AGMO: variants seen among roughly 807,000 people sequenced by gnomAD.
AGMO encodes the protein glyceryl-ether monooxygenase.
AGMO carries 75 observed loss-of-function variants against 60.2 expected under a neutral mutation model. The observed-to-expected ratio is 1.25, with a 90% confidence interval of 1.03 to 1.51. The LOEUF (loss-of-function observed/expected upper bound fraction) is 1.51. Ranked by LOEUF, AGMO falls within the 40% of genes most tolerant of loss-of-function variation. The probability of loss-of-function intolerance (pLI) is 0.00; values close to 1 mark genes in which losing one functional copy is unlikely to be tolerated. For missense variants in AGMO, 763 were observed against 525.5 expected (o/e 1.45, Z -4.42); for synonymous variants, 261 against 177.1 (o/e 1.47, Z -3.76).
intron 3 of AGMO, among the ~76,000 whole-genome samples, chr7:15,468,963 G>A (rs184910357): frequency 1.3e-5 from 2 of 151,944 alleles, no homozygotes; most frequent in African/African-American, 4.8e-5. Flanking sequence ...AGTAAATTAA[G>A]AATTCTATTT....
chr7:15,473,851 C>A (rs1410925976), intron 3 of AGMO, among the ~76,000 whole-genome samples: 3 of 152,098 alleles, frequency 2.0e-5, no homozygotes, highest in Admixed American at 1.3e-4. Context: ...GCAACTTCAG[C>A]AAAGTCTAAG....
At chr7:15,186,056 T>G in the AGMO span, among the ~76,000 whole-genome samples, 33,502 of 152,130 alleles carry the variant, frequency 0.22, 3,929 homozygotes, top group South Asian at 0.32. Context: ...TGTGAGCATT[T>G]GATAGGTACA....
At chr7:15,274,907 T>G (rs559692940) in intron 12 of AGMO, among the ~76,000 whole-genome samples, 1 of 152,166 alleles carries the variant, frequency 6.6e-6, no homozygotes, top group South Asian at 2.1e-4. Flanking sequence ...GTCACCTTTA[T>G]AATTTCTGAT....
At chr7:15,168,230 T>C in the AGMO span, among the ~76,000 whole-genome samples, 1 of 152,172 alleles carries the variant, frequency 6.6e-6, no homozygotes, top group East Asian at 1.9e-4. Context: ...CTAGTACACC[T>C]ACTGAAGGGA....
intron 12 of AGMO, among the ~76,000 whole-genome samples, chr7:15,243,536 C>A (rs1179065470): frequency 6.6e-6 from 1 of 152,114 alleles, no homozygotes; most frequent in Non-Finnish European, 1.5e-5. Context: ...TCACTTGACA[C>A]TAAGCTGAGA....
chr7:15,553,553 A>G (rs1211397882), intron 2 of AGMO, among the ~76,000 whole-genome samples: 1 of 151,856 alleles, frequency 6.6e-6, no homozygotes, highest in African/African-American at 2.4e-5. Flanking sequence ...AAACAGGGCA[A>G]ATGCCACCAG....
In AGMO at chr7:15,365,747, C is replaced by T. The variant is rs1266322648; in HGVS notation, c.1158-128G>A. ...ATTTTAATATATTTGAAAAGCATGT[C>T]CCCTGAAGCAATTTGAAAACAGTGA... On this transcript the variant is annotated intron_variant, in intron 11 of 12. Coordinates refer to ENST00000342526, the MANE Select transcript of AGMO (RefSeq NM_001004320.2). 6.0e-6 allele frequency: 4 copies of T among 669,974 alleles called. No individual in the cohort carries two copies. In the East Asian group the frequency reaches 8.6e-5, roughly 14 times the overall value. The allele number at this position is 669,974 out of a possible 1,614,324, so 41.5% of individuals were successfully genotyped here.
chr7:15,394,051 G>A, intron 6 of AGMO, 62 bp downstream of exon 6: 4 of 1,272,108 alleles, frequency 3.1e-6, no homozygotes, highest in Admixed American at 1.7e-5. Context: ...TGAGATTAAG[G>A]AAAATAATAA....
chr7:15,340,136 A>G (rs1781795576), intron 12 of AGMO, among the ~76,000 whole-genome samples: 1 of 152,212 alleles, frequency 6.6e-6, no homozygotes, highest in Non-Finnish European at 1.5e-5. Flanking sequence ...ACCCAAGCCT[A>G]AACTCAAAAT....
the AGMO span, among the ~76,000 whole-genome samples, chr7:15,170,250 T>TA: frequency 6.6e-6 from 1 of 152,234 alleles, no homozygotes; most frequent in Admixed American, 6.5e-5. Context: ...GTATCGACCT[T>TA]ACCTCTGGAT....
At chr7:15,236,417 T>A (rs1006856024) in intron 12 of AGMO, among the ~76,000 whole-genome samples, 6 of 152,156 alleles carry the variant, frequency 3.9e-5, no homozygotes, top group Admixed American at 3.9e-4. Context: ...TTAACAAATA[T>A]GTCAGTAACA....
intron 2 of AGMO, among the ~76,000 whole-genome samples, 173 bp downstream of exon 2, chr7:15,559,968 G>C (rs961331175): frequency 3.3e-5 from 5 of 152,006 alleles, no homozygotes; most frequent in African/African-American, 1.2e-4. Context: ...TTTTAAATAA[G>C]TGCAAAAAAT....
chr7:15,371,414 G>C (rs570925977), intron 10 of AGMO, among the ~76,000 whole-genome samples: 85 of 150,360 alleles, frequency 5.7e-4, no homozygotes, highest in African/African-American at 2.0e-3. Flanking sequence ...CTTCGAGACA[G>C]AATTTCGTTC....
At chr7:15,411,693 C>G (rs892093732) in intron 5 of AGMO, among the ~76,000 whole-genome samples, 1 of 151,838 alleles carries the variant, frequency 6.6e-6, no homozygotes, top group Non-Finnish European at 1.5e-5. Context: ...AATTCCAATA[C>G]ATTTCCTATC....
At chr7:15,411,336 T>A (rs542466380) in intron 5 of AGMO, among the ~76,000 whole-genome samples, 1 of 152,000 alleles carries the variant, frequency 6.6e-6, no homozygotes, top group Non-Finnish European at 1.5e-5. Context: ...TGTATTGTTA[T>A]AATCCTCATT....
intron 12 of AGMO, among the ~76,000 whole-genome samples, chr7:15,229,561 G>A (rs962056155): frequency 6.7e-6 from 1 of 149,044 alleles, no homozygotes; most frequent in African/African-American, 2.4e-5. Flanking sequence ...TTTGAAAAGT[G>A]AGTTCAGTAC....
At chr7:15,125,479 C>T in the AGMO span, among the ~76,000 whole-genome samples, 1 of 152,088 alleles carries the variant, frequency 6.6e-6, no homozygotes, top group South Asian at 2.1e-4. Context: ...TTTTAAATAA[C>T]TTCCAACTTT....
chr7:15,119,176 C>T, the AGMO span, among the ~76,000 whole-genome samples: 1 of 151,542 alleles, frequency 6.6e-6, no homozygotes, highest in Non-Finnish European at 1.5e-5. Flanking sequence ...AAATGTAATC[C>T]CCAATGCTGG....
the AGMO span, among the ~76,000 whole-genome samples, chr7:15,153,702 AT>A: frequency 6.6e-6 from 1 of 152,032 alleles, no homozygotes; most frequent in African/African-American, 2.4e-5. Flanking sequence ...ATATGTGCCT[AT>A]TTTTATACCA....
Sources: gnomAD v4.1 joint callset for allele counts (sites outside exome capture counted in the v4.1 genomes callset) on GRCh38, gnomAD v4.1.1 for gene constraint, MANE v1.5 for transcripts, NCBI Gene and HGNC (gene_info 2026-07-23, HGNC 2026-07-21) for gene names.